ADGRL3: variants seen among roughly 807,000 people sequenced by gnomAD.
ADGRL3 encodes calcium-independent alpha-latrotoxin receptor 3.
A neutral mutation model predicts 153.5 loss-of-function variants in ADGRL3; 62 were observed. That is an observed-to-expected ratio of 0.40 (90% confidence interval 0.33 to 0.50). The LOEUF (loss-of-function observed/expected upper bound fraction) is 0.50. Among genes scored for constraint, ADGRL3 ranks in the 20% least tolerant of loss-of-function variants. The pLI, the probability that ADGRL3 is intolerant of heterozygous loss-of-function variation, is 0.47. For missense variants in ADGRL3, 1,641 were observed against 1,859.4 expected, an observed-to-expected ratio of 0.88 and a Z score of 2.16; for synonymous variants, 710 against 672.5, an observed-to-expected ratio of 1.06 and a Z score of -0.86.
At chr4:61,237,036 T>C (rs1753118999) in intron 1 of ADGRL3, among the ~76,000 whole-genome samples, 1 of 152,164 alleles carries the variant, frequency 6.6e-6, no homozygotes, top group Admixed American at 6.6e-5. Flanking sequence ...CTTTATTTAC[T>C]CCTTCACAGT....
intron 9 of ADGRL3, among the ~76,000 whole-genome samples, chr4:61,864,023 T>A (rs1029362319): frequency 2.0e-5 from 3 of 152,196 alleles, no homozygotes; most frequent in African/African-American, 7.2e-5. Context: ...ATAACATATA[T>A]TTTACATGAC....
At chr4:61,741,031 A>G (rs1253609551) in intron 8 of ADGRL3, among the ~76,000 whole-genome samples, 3 of 152,226 alleles carry the variant, frequency 2.0e-5, no homozygotes, top group African/African-American at 7.2e-5. Context: ...GTAGTGATGA[A>G]TAAGAACTTT....
intron 8 of ADGRL3, among the ~76,000 whole-genome samples, chr4:61,739,396 T>C (rs921873282): frequency 3.3e-5 from 5 of 151,970 alleles, no homozygotes; most frequent in Non-Finnish European, 7.4e-5. Flanking sequence ...ACAACCTCCA[T>C]TTCCTGGGTT....
At chr4:61,748,148 C>T (rs1190076243) in intron 8 of ADGRL3, among the ~76,000 whole-genome samples, 6 of 151,852 alleles carry the variant, frequency 4.0e-5, no homozygotes, top group Admixed American at 3.9e-4. Context: ...ATCCAACTTA[C>T]AAGGGATGTG....
intron 1 of ADGRL3, among the ~76,000 whole-genome samples, chr4:61,264,666 GA>G (rs1479582303): frequency 6.6e-6 from 1 of 151,842 alleles, no homozygotes; most frequent in Non-Finnish European, 1.5e-5. Flanking sequence ...AAGACAGTAG[GA>G]AACTCTATCA....
At chr4:61,602,925 A>C (rs551346749) in intron 5 of ADGRL3, among the ~76,000 whole-genome samples, 70 of 152,304 alleles carry the variant, frequency 4.6e-4, no homozygotes, top group African/African-American at 1.7e-3. Flanking sequence ...TTGAGCTATG[A>C]AAATGTCACT....
chr4:61,509,185 T>A (rs2098448928), intron 3 of ADGRL3, among the ~76,000 whole-genome samples: 1 of 143,754 alleles, frequency 7.0e-6, no homozygotes, highest in Non-Finnish European at 1.5e-5. Context: ...TGGAGTGCAA[T>A]GGCACGATCT....
chr4:61,953,630 G>C (rs557558898), intron 17 of ADGRL3, among the ~76,000 whole-genome samples: 2 of 152,288 alleles, frequency 1.3e-5, no homozygotes, highest in African/African-American at 4.8e-5. Context: ...TTTTAGAGAA[G>C]TGGAGATAGG....
At chr4:62,007,151 T>A (rs1346535702) in intron 21 of ADGRL3, among the ~76,000 whole-genome samples, 1 of 151,374 alleles carries the variant, frequency 6.6e-6, no homozygotes, top group Non-Finnish European at 1.5e-5. Context: ...GAAGGGATTC[T>A]CTTCATGAGC....
At chr4:62,070,032 T>C in intron 26 of ADGRL3, 77 bp from the exon 27 acceptor site, 6 of 1,162,354 alleles carry the variant, frequency 5.2e-6, no homozygotes, top group Non-Finnish European at 7.4e-6. Flanking sequence ...TCAATGAATG[T>C]TTTTGCTTCT....
In ADGRL3 at chr4:61,948,260, C is replaced by A; in HGVS notation, c.2789C>A (p.Ala930Glu). The A allele has an allele frequency of 6.2e-7, 1 of 1,613,382 alleles. No individual in the cohort carries two copies. ...NHLTNFAVLMAHVEVKHSDAV... is the reference protein window; with the variant it reads ...NHLTNFAVLMEHVEVKHSDAV... Reference sequence around the variant, plus strand: ...CTAACAAATTTTGCAGTACTGATGGCACATGTGGAAGTTAAGGTAAGATAT... The same window carrying A: ...CTAACAAATTTTGCAGTACTGATGGAACATGTGGAAGTTAAGGTAAGATAT... Residue 930 changes from alanine (A) to glutamate (E), a missense_variant, in exon 17 of 27, where the codon GCA becomes GAA. Ala to Glu is a moderately radical substitution (Grantham distance 107). Coordinates refer to ENST00000683033, the MANE Select transcript of ADGRL3 (RefSeq NM_001387552.1).
intron 21 of ADGRL3, among the ~76,000 whole-genome samples, chr4:62,005,967 T>TACACACACACACACAC (rs59783179): frequency 1.9e-4 from 13 of 67,704 alleles, no homozygotes; most frequent in African/African-American, 3.5e-4. Context: ...TATATACACA[T>TACACACACACACACAC]ACACACACAC....
intron 1 of ADGRL3, among the ~76,000 whole-genome samples, chr4:61,304,507 AT>A (rs997399748): frequency 2.0e-5 from 3 of 152,194 alleles, no homozygotes; most frequent in African/African-American, 7.2e-5. Flanking sequence ...TACTTTATGC[AT>A]TCTTACCCTT....
chr4:61,540,510 C>T lies in ADGRL3; in HGVS notation c.259+22992C>T, dbSNP rs529963189. 9.3e-5 allele frequency among the ~76,000 whole-genome samples: 14 copies of T among 150,844 alleles called. No individual in the cohort carries two copies. The South Asian group carries it at 1.0e-3, about 11-fold the overall frequency. ...GTGCAGTGAGCCAAGATTTTGCCAC[C>T]GCACTCTAGCCTGGTTGACAGAGCG... On this transcript the variant is annotated intron_variant, in intron 4 of 26. Coordinates refer to ENST00000683033, the MANE Select transcript of ADGRL3 (RefSeq NM_001387552.1).
At chr4:61,688,816 TCC>T (rs2095491360) in intron 6 of ADGRL3, among the ~76,000 whole-genome samples, 1 of 152,208 alleles carries the variant, frequency 6.6e-6, no homozygotes, top group South Asian at 2.1e-4. Context: ...GGATTTTATG[TCC>T]CACTCTGAAC....
At chr4:61,545,727 C>G (rs1173447330) in intron 4 of ADGRL3, among the ~76,000 whole-genome samples, 1 of 152,100 alleles carries the variant, frequency 6.6e-6, no homozygotes. Context: ...GTTGGCCAGG[C>G]TGGTCTCAAA....
At chr4:61,212,742 A>G (rs181978348) in intron 1 of ADGRL3, among the ~76,000 whole-genome samples, 8 of 152,340 alleles carry the variant, frequency 5.3e-5, no homozygotes, top group Admixed American at 3.9e-4. Flanking sequence ...TTTAAAGGTT[A>G]GTAGAAGGCC....
At chr4:61,925,592 C>A (rs941844983) in intron 13 of ADGRL3, among the ~76,000 whole-genome samples, 1 of 151,970 alleles carries the variant, frequency 6.6e-6, no homozygotes, top group African/African-American at 2.4e-5. Flanking sequence ...TGGAAGAAGG[C>A]AAAGCAGGAG....
At chr4:61,324,586 C>T (rs551999894) in intron 1 of ADGRL3, among the ~76,000 whole-genome samples, 7 of 152,124 alleles carry the variant, frequency 4.6e-5, no homozygotes, top group Non-Finnish European at 8.8e-5. Flanking sequence ...TGACTTCATA[C>T]ATAGACTTGT....
Sources: allele counts gnomAD v4.1 joint callset (sites outside exome capture counted in the v4.1 genomes callset), GRCh38; gene constraint gnomAD v4.1.1; transcripts MANE v1.5; gene names NCBI Gene and HGNC (gene_info 2026-07-23, HGNC 2026-07-21).